Variants in CHN2 observed in about 807,000 individuals in gnomAD.
CHN2 encodes the protein chimerin 2.
Under a neutral mutation model 56.3 loss-of-function variants are expected in CHN2, and 35 were observed. The observed-to-expected ratio is 0.62, with a 90% CI of 0.47 to 0.82. CHN2 has a LOEUF of 0.82. Among genes scored for constraint, CHN2 ranks in the 40% least tolerant of loss-of-function variants. The probability of loss-of-function intolerance (pLI) is 0.00; values close to 1 mark genes in which losing one functional copy is unlikely to be tolerated. For missense variants in CHN2, 491 were observed against 580.5 expected (o/e 0.85, Z 1.58); for synonymous variants, 210 against 212.8 (o/e 0.99, Z 0.12).
At chr7:29,187,176 C>T (rs956872534) in intron 2 of CHN2, among the ~76,000 whole-genome samples, 1 of 152,084 alleles carries the variant, frequency 6.6e-6, no homozygotes, top group Non-Finnish European at 1.5e-5. Context: ...TGTTGGTTTC[C>T]ACTCCTTTAT....
chr7:29,203,467 C>CAAAAA (rs11287820), intron 1 of CHN2, among the ~76,000 whole-genome samples: 20 of 55,550 alleles, frequency 3.6e-4, no homozygotes, highest in Middle Eastern at 0.013. Context: ...AACTCCGTCT[C>CAAAAA]AAAAAAAAAA....
chr7:29,161,808 A>G (rs192505605), intron 2 of CHN2, among the ~76,000 whole-genome samples: 1 of 152,372 alleles, frequency 6.6e-6, no homozygotes, highest in African/African-American at 2.4e-5. Flanking sequence ...AGAATATATA[A>G]AGAGTTCTCT....
At chr7:29,315,685 A>G (rs1303864658) in intron 1 of CHN2, among the ~76,000 whole-genome samples, 1 of 151,936 alleles carries the variant, frequency 6.6e-6, no homozygotes, top group Non-Finnish European at 1.5e-5. Context: ...TTTTTTTTTC[A>G]TTCAACAACT....
chr7:29,374,840 CCTT>C (rs1799911829), intron 3 of CHN2, among the ~76,000 whole-genome samples: 1 of 150,098 alleles, frequency 6.7e-6, no homozygotes, highest in African/African-American at 2.5e-5. Flanking sequence ...TTCCTTCCTT[CCTT>C]CCTTCCTGCC....
chr7:29,339,849 G>A (rs748053121), intron 1 of CHN2, among the ~76,000 whole-genome samples: 6 of 149,554 alleles, frequency 4.0e-5, no homozygotes, highest in Non-Finnish European at 8.9e-5. Context: ...ATGAAACTCC[G>A]TCTCAAAAAA....
chr7:29,276,166 C>CAAGACT (rs1611035), intron 1 of CHN2, among the ~76,000 whole-genome samples: 94,871 of 151,390 alleles, frequency 0.63, 30,052 homozygotes, highest in East Asian at 0.95. Context: ...AGATCAGATG[C>CAAGACT]AAGAGCTTTC....
chr7:29,411,640 T>C (rs1473317181), intron 6 of CHN2, among the ~76,000 whole-genome samples: 1 of 152,154 alleles, frequency 6.6e-6, no homozygotes, highest in African/African-American at 2.4e-5. Flanking sequence ...ACTTTTACCG[T>C]GAGTTCCAGG....
At chr7:29,190,290 A>G (rs1031631495), upstream of CHN2, among the ~76,000 whole-genome samples, 1 of 152,240 alleles carries the variant, frequency 6.6e-6, no homozygotes, top group South Asian at 2.1e-4. Context: ...ATTTAAAGCT[A>G]GTTGACGAAT....
intron 12 of CHN2, 26 bp downstream of exon 12, chr7:29,509,432 C>G (rs1562677570): frequency 1.9e-6 from 3 of 1,562,216 alleles, no homozygotes; most frequent in African/African-American, 1.4e-5. Context: ...GTGCACAAAG[C>G]CTGCTCTGCT....
At chr7:29,177,046 G>T (rs1006516700) in intron 2 of CHN2, among the ~76,000 whole-genome samples, 11 of 152,040 alleles carry the variant, frequency 7.2e-5, no homozygotes, top group African/African-American at 2.7e-4. Context: ...AATATAGATG[G>T]AAGAGGCAAA....
chr7:29,229,534 A>T (rs186874789), intron 1 of CHN2, among the ~76,000 whole-genome samples: 1 of 152,338 alleles, frequency 6.6e-6, no homozygotes, highest in East Asian at 1.9e-4. Context: ...ATTCAGTAGT[A>T]TACTGGTATT....
intron 6 of CHN2, among the ~76,000 whole-genome samples, chr7:29,438,438 G>A (rs562772944): frequency 2.5e-4 from 38 of 152,084 alleles, no homozygotes; most frequent in South Asian, 1.9e-3. Context: ...TAATGGCTGC[G>A]TAGCAATTCA....
At chr7:29,308,567 C>T (rs984774343) in intron 1 of CHN2, among the ~76,000 whole-genome samples, 1 of 152,192 alleles carries the variant, frequency 6.6e-6, no homozygotes. Flanking sequence ...GGTGCCTTCT[C>T]GGAATCCTTA....
chr7:29,171,287 A>G (rs958147107), intron 2 of CHN2, among the ~76,000 whole-genome samples: 1 of 152,200 alleles, frequency 6.6e-6, no homozygotes, highest in Non-Finnish European at 1.5e-5. Context: ...AGCTCTTTGG[A>G]ACACCCAGGG....
At chr7:29,421,883 G>A (rs188775367) in intron 6 of CHN2, among the ~76,000 whole-genome samples, 1 of 152,282 alleles carries the variant, frequency 6.6e-6, no homozygotes, top group African/African-American at 2.4e-5. Flanking sequence ...GAAGATTTAA[G>A]GGACTTGAAG....
intron 1 of CHN2, among the ~76,000 whole-genome samples, chr7:29,284,293 C>T (rs550192250): frequency 1.6e-3 from 249 of 152,196 alleles, no homozygotes; most frequent in African/African-American, 5.9e-3. Context: ...TGGGGTTTCA[C>T]CACGTTGGCC....
Position 29,238,449 on chromosome 7 carries a change from G to A in CHN2, c.49+43459G>A, listed in dbSNP as rs143854784. 7.9e-3 allele frequency among the ~76,000 whole-genome samples: 1,196 copies of A among 152,238 alleles called. 15 individuals carry two copies. Among genetic ancestry groups the A allele is most frequent in the African/African-American group, 0.027 (1,124 of 41,524 alleles). The stretch of plus-strand genomic sequence containing the variant: ...TATGTAAGTATGATCTTTAAAAATA[G>A]CTTATAGAAATAATATGTATTTATT... On this transcript the variant is annotated intron_variant, in intron 1 of 12. Transcript: ENST00000222792.
At chr7:29,456,791 C>A (rs985304838) in intron 6 of CHN2, among the ~76,000 whole-genome samples, 33 of 152,076 alleles carry the variant, frequency 2.2e-4, no homozygotes, top group African/African-American at 7.7e-4. Flanking sequence ...GGAATGCAGG[C>A]ATTTAGGGCA....
At chr7:29,211,720 C>T (rs946122720) in intron 1 of CHN2, among the ~76,000 whole-genome samples, 8 of 152,046 alleles carry the variant, frequency 5.3e-5, no homozygotes, top group African/African-American at 1.2e-4. Flanking sequence ...GGCATGGTTG[C>T]GGTATACAGA....
Sources: gnomAD v4.1 joint callset for allele counts (sites outside exome capture counted in the v4.1 genomes callset) on GRCh38, gnomAD v4.1.1 for gene constraint, MANE v1.5 for transcripts, NCBI Gene and HGNC (gene_info 2026-07-23, HGNC 2026-07-21) for gene names.